NDUFV2: variants seen among roughly 807,000 people sequenced by gnomAD.
NDUFV2 encodes the protein NADH dehydrogenase [ubiquinone] flavoprotein 2, mitochondrial.
NDUFV2 carries 18 observed loss-of-function variants against 31.6 expected under a neutral mutation model. The observed-to-expected ratio is 0.57, with a 90% confidence interval of 0.39 to 0.84. The LOEUF is 0.84. Among genes scored for constraint, NDUFV2 ranks in the 40% least tolerant of loss-of-function variants. The pLI is 0.00. For missense variants in NDUFV2, 314 were observed against 303.6 expected (o/e 1.03, Z -0.26); for synonymous variants, 83 against 99.8 (o/e 0.83, Z 1.01).
chr18:9,112,789 T>C (rs1184039617), intron 1 of NDUFV2: 3 of 152,258 alleles, frequency 2.0e-5, no homozygotes, highest in Non-Finnish European at 2.9e-5. Context: ...CGGCCCTTCA[T>C]TGGTTTTTAA....
rs1598347529 is a variant in NDUFV2 at position 9,122,053 on chromosome 18, T to C, written c.301-460T>C. Among the ~76,000 whole-genome samples, 3 of 152,330 alleles carry C rather than the reference T, an allele frequency of 2.0e-5. No homozygotes were observed. In the South Asian group the frequency reaches 6.2e-4, roughly 32 times the overall value. The stretch of plus-strand genomic sequence containing the variant: ...GATTTTCAACCTTTTTTTCTGTTGC[T>C]GTACCATTTGTATGTAGGCTGTTTG... On this transcript the variant is annotated intron_variant, in intron 4 of 7. Coordinates refer to ENST00000318388, the MANE Select transcript of NDUFV2 (RefSeq NM_021074.5).
At chr18:9,110,669 G>A (rs2077865508) in intron 1 of NDUFV2, among the ~76,000 whole-genome samples, 2 of 152,016 alleles carry the variant, frequency 1.3e-5, no homozygotes. Context: ...CACCATGCCT[G>A]GCTAACTTTT....
chr18:9,122,650 C>G lies in NDUFV2; in HGVS notation c.438C>G (p.Asp146Glu). The change falls in exon 5 of 8, where the codon GAC (aspartate) becomes GAG (glutamate). Residue 146 changes from aspartate (D) to glutamate (E), a missense_variant. Transcript: ENST00000318388. ...TTTPCMLRNSDSILEAIQKKL... is the reference protein window; with the variant it reads ...TTTPCMLRNSESILEAIQKKL... ...CACCCTGCATGCTTCGAAACTCTGA[C>G]AGCATACTGGAGGCCATTCAGAAAA... 1 of 1,613,990 alleles carries G rather than the reference C, an allele frequency of 6.2e-7. No individual in the cohort carries two copies. Among genetic ancestry groups the G allele is most frequent in the Non-Finnish European group, 8.5e-7 (1 of 1,179,914 alleles).
intron 7 of NDUFV2, among the ~76,000 whole-genome samples, chr18:9,127,975 GTTACA>G (rs1199061589): frequency 1.3e-5 from 2 of 152,160 alleles, no homozygotes; most frequent in Non-Finnish European, 2.9e-5. Flanking sequence ...CCATACCTGT[GTTACA>G]TTAATTACTT....
chr18:9,106,978 C>T (rs966991632), intron 1 of NDUFV2, among the ~76,000 whole-genome samples: 6 of 151,898 alleles, frequency 4.0e-5, no homozygotes, highest in Non-Finnish European at 8.8e-5. Flanking sequence ...GACATTGGGC[C>T]CACCTAGATA....
At chr18:9,109,436 C>T (rs2077858601) in intron 1 of NDUFV2, among the ~76,000 whole-genome samples, 1 of 152,062 alleles carries the variant, frequency 6.6e-6, no homozygotes, top group African/African-American at 2.4e-5. Flanking sequence ...ATTTATAATG[C>T]AAATGTCTGA....
chr18:9,118,014 A>G, intron 2 of NDUFV2, 111 bp downstream of exon 2: 1 of 757,982 alleles, frequency 1.3e-6, no homozygotes, highest in Non-Finnish European at 2.4e-6. Context: ...TATGATGGTC[A>G]TCGTGAGAAT....
chr18:9,109,296 A>G (rs2077857951), intron 1 of NDUFV2, among the ~76,000 whole-genome samples: 1 of 152,218 alleles, frequency 6.6e-6, no homozygotes, highest in African/African-American at 2.4e-5. Context: ...TTGGCCTCTA[A>G]TAAAGGAAAA....
chr18:9,113,975 G>A (rs2077884601), intron 1 of NDUFV2, among the ~76,000 whole-genome samples: 1 of 152,294 alleles, frequency 6.6e-6, no homozygotes, highest in African/African-American at 2.4e-5. Flanking sequence ...GAACAGCCTA[G>A]GTGAGTGCTG....
At chr18:9,129,508 G>A (rs545617338) in intron 7 of NDUFV2, among the ~76,000 whole-genome samples, 15 of 152,168 alleles carry the variant, frequency 9.9e-5, no homozygotes, top group Non-Finnish European at 1.3e-4. Flanking sequence ...CAGATGACTA[G>A]TGTAATATGT....
At chr18:9,113,648 C>T (rs1299501775) in intron 1 of NDUFV2, among the ~76,000 whole-genome samples, 2 of 152,230 alleles carry the variant, frequency 1.3e-5, no homozygotes, top group South Asian at 2.1e-4. Flanking sequence ...CCCGGTGCCA[C>T]ACCCTGGGCC....
chr18:9,114,543 CTT>C (rs138362312), intron 1 of NDUFV2, among the ~76,000 whole-genome samples: 173 of 147,816 alleles, frequency 1.2e-3, no homozygotes, highest in African/African-American at 4.2e-3. Flanking sequence ...TTCAGAGAAA[CTT>C]TACTTAAATC....
In NDUFV2 at chr18:9,134,205, G is replaced by C. The variant is rs1273545025; in HGVS notation, c.676G>C (p.Glu226Gln). 4 of 1,613,312 alleles carry C rather than the reference G, an allele frequency of 2.5e-6. No homozygotes were observed. The highest frequency in any genetic ancestry group is 3.3e-5 in the Admixed American group (2 of 59,996). ...PGPRSGRFSC[E>Q]PAGGLTSLTE... ...TTTCAGGAGTGGACGCTTCTCTTGTGAGCCAGCTGGAGGTCTTACCTCTTT... is the reference window on the plus strand; with the variant it reads ...TTTCAGGAGTGGACGCTTCTCTTGTCAGCCAGCTGGAGGTCTTACCTCTTT... The change falls in exon 8 of 8, where the codon GAG (glutamate) becomes CAG (glutamine). Residue 226 changes from glutamate (E) to glutamine (Q), a missense_variant. By Grantham distance (29) the Glu-to-Gln change is conservative. Transcript: ENST00000318388.
At chr18:9,109,548 A>G (rs1224303126) in intron 1 of NDUFV2, among the ~76,000 whole-genome samples, 1 of 152,252 alleles carries the variant, frequency 6.6e-6, no homozygotes, top group Non-Finnish European at 1.5e-5. Flanking sequence ...AAGGAATCCT[A>G]TTGGGGAGAA....
At chr18:9,117,098 G>A (rs1261402206) in intron 1 of NDUFV2, among the ~76,000 whole-genome samples, 3 of 151,166 alleles carry the variant, frequency 2.0e-5, no homozygotes, top group South Asian at 2.1e-4. Context: ...GTGCGGTGGC[G>A]CGATCTCGGC....
intron 2 of NDUFV2, among the ~76,000 whole-genome samples, chr18:9,118,927 TTG>T (rs2077914749): frequency 6.6e-6 from 1 of 151,638 alleles, no homozygotes; most frequent in Non-Finnish European, 1.5e-5. Flanking sequence ...AACCTTGCTT[TTG>T]GGAAAATACA....
chr18:9,117,904 G>C lies in NDUFV2; in HGVS notation c.120+1G>C, dbSNP rs749991624. The C allele has an allele frequency of 1.1e-5, 18 of 1,581,486 alleles. No homozygotes were observed. In the East Asian group the frequency reaches 4.0e-4, roughly 35 times the overall value. Reference sequence around the variant, plus strand: ...TGGAGCTGGAGGAGCTTTATTTGTGGTAAGTAATTACTTAGATTTCTTTGG... The same window carrying C: ...TGGAGCTGGAGGAGCTTTATTTGTGCTAAGTAATTACTTAGATTTCTTTGG... On this transcript the variant is annotated splice_donor_variant, in intron 2 of 7. Transcript: ENST00000318388. LOFTEE classifies it high-confidence loss of function.
At chr18:9,128,306 A>T (rs1458212628) in intron 7 of NDUFV2, among the ~76,000 whole-genome samples, 2 of 152,218 alleles carry the variant, frequency 1.3e-5, no homozygotes, top group Non-Finnish European at 2.9e-5. Flanking sequence ...GAGTGGTTCT[A>T]GAGTTTGCTC....
intron 1 of NDUFV2, 142 bp from the exon 2 acceptor site, chr18:9,117,696 T>G (rs1165622190): frequency 6.7e-6 from 4 of 600,592 alleles, no homozygotes; most frequent in Non-Finnish European, 1.2e-5. Flanking sequence ...GAAATAGAGA[T>G]GGATAGGGTA....
Sources: allele counts gnomAD v4.1 joint callset (sites outside exome capture counted in the v4.1 genomes callset), GRCh38; gene constraint gnomAD v4.1.1; transcripts MANE v1.5; gene names NCBI Gene and HGNC (gene_info 2026-07-23, HGNC 2026-07-21).